FBXO5: variants seen among roughly 807,000 people sequenced by gnomAD.
The protein encoded by FBXO5 is F-box protein 5.
In FBXO5, 8 loss-of-function variants were observed where a neutral mutation model predicts 43.3. That is an observed-to-expected ratio of 0.18 (90% CI 0.11 to 0.33). FBXO5 has a LOEUF of 0.33. Ranked by LOEUF, FBXO5 falls within the 10% of genes least tolerant of loss-of-function variation. The pLI is 1.00. For synonymous variants in FBXO5, 204 were observed against 193.7 expected (o/e 1.05, Z -0.44); for missense variants, 491 against 535.7 (o/e 0.92, Z 0.82).
Position 152,975,383 on chromosome 6 carries a change from G to C in FBXO5, c.342C>G (p.Arg114=). The C allele has an allele frequency of 6.2e-7, 1 of 1,613,812 alleles. No homozygotes were observed. Among genetic ancestry groups the C allele is most frequent in the Non-Finnish European group, 8.5e-7 (1 of 1,179,922 alleles). ...RIVQLETESK[R]LHNKENQHVQ... is the part of the protein sequence containing the mutation. The stretch of plus-strand genomic sequence containing the variant: ...CATGTTGATTTTCCTTGTTATGCAA[G>C]CGCTTGCTTTCAGTTTCAAGTTGTA... The change falls in exon 2 of 5, where the codon CGC becomes CGG. Residue 114 remains arginine, a synonymous_variant. Coordinates refer to ENST00000229758, the MANE Select transcript of FBXO5 (RefSeq NM_012177.5).
At position 152,971,113 on chromosome 6, in the gene FBXO5, A is replaced by G. The variant is rs1369366437; in HGVS notation, c.*50T>C. On this transcript the variant is annotated 3_prime_UTR_variant, in exon 5 of 5. Coordinates refer to ENST00000229758, the MANE Select transcript of FBXO5 (RefSeq NM_012177.5). ...ACAATTTTTTTTAAGTTAAAACCTA[A>G]CATTTTCTAACTAACATTCATGATC... is the stretch of plus-strand genomic sequence containing the variant. 2.0e-6 allele frequency: 3 copies of G among 1,523,612 alleles called. No individual in the cohort carries two copies. Among genetic ancestry groups the G allele is most frequent in the Middle Eastern group, 2.2e-4 (1 of 4,494 alleles). The allele number at this position is 1,523,612 out of a possible 1,614,324, so 94.4% of individuals were successfully genotyped here. A position where few individuals can be genotyped will look rare whatever the true frequency, so the allele number is the denominator to read the frequency against.
chr6:152,975,345 A>T lies in FBXO5; in HGVS notation c.380T>A (p.Leu127His). ...NKENQHVQQT[L>H]NSTNEIEALE... ...TGCTTCTATTTCATTTGTACTATTA[A>T]GTGTCTGTTGCACATGTTGATTTTC... The change falls in exon 2 of 5, where the codon CTT (leucine) becomes CAT (histidine). Residue 127 changes from leucine (L) to histidine (H), a missense_variant. Physicochemically the swap from Leu to His is moderately conservative, Grantham distance 99. Transcript: ENST00000229758. 1 of 1,614,134 alleles carries T rather than the reference A, an allele frequency of 6.2e-7. No individual in the cohort carries two copies.
rs188203987 is a variant in FBXO5 at position 152,982,905 on chromosome 6, C to A, written c.55G>T (p.Ala19Ser). Residue 19 changes from alanine to serine, a missense_variant, in exon 1 of 5, where the codon GCC (alanine) becomes TCC (serine). Ala to Ser is a moderately conservative substitution (Grantham distance 99, BLOSUM62 1). Coordinates refer to ENST00000229758, the MANE Select transcript of FBXO5 (RefSeq NM_012177.5). Reference sequence around the variant, plus strand: ...GCGGCTGTCACTGCGCTGGGGCTGGCGCTGCAGGAGCAGCGGGGTGGCCGT... The same window carrying A: ...GCGGCTGTCACTGCGCTGGGGCTGGAGCTGCAGGAGCAGCGGGGTGGCCGT... ...ALRPPRCSCSASPSAVTAAGR... is the reference protein window; with the variant it reads ...ALRPPRCSCSSSPSAVTAAGR... 4 of 1,496,250 alleles carry A rather than the reference C, an allele frequency of 2.7e-6. No individual in the cohort carries two copies. Among genetic ancestry groups the A allele is most frequent in the Admixed American group, 4.3e-5 (2 of 46,910 alleles). The allele number at this position is 1,496,250 out of a possible 1,614,324, so 92.7% of individuals were successfully genotyped here. A position where few individuals can be genotyped will look rare whatever the true frequency, so the allele number is the denominator to read the frequency against.
Position 152,975,618 on chromosome 6 carries a change from C to A in FBXO5, c.107G>T (p.Cys36Phe), listed in dbSNP as rs41302049. ...AGAAAGGGTAGAACTTTCTTCTTTA[C>A]AACCTATAAAAAGAACATAACATTT... ...AAGRPRPSDS[C>F]KEESSTLSVK... The change falls in exon 2 of 5, where the codon TGT becomes TTT. Residue 36 changes from cysteine (C) to phenylalanine (F), a missense_variant. Physicochemically the swap from Cys to Phe is radical, Grantham distance 205. Transcript: ENST00000229758. 0.013 allele frequency: 20,308 copies of A among 1,576,508 alleles called. 191 individuals are homozygous for A. The highest frequency in any genetic ancestry group is 0.015 in the Non-Finnish European group (17,052 of 1,166,358).
At chr6:152,981,968 C>A (rs962693859) in intron 1 of FBXO5, among the ~76,000 whole-genome samples, 1 of 152,144 alleles carries the variant, frequency 6.6e-6, no homozygotes, top group Non-Finnish European at 1.5e-5. Flanking sequence ...AAAGGACTAT[C>A]TAATTCTTCA....
At position 152,971,434 on chromosome 6, in the gene FBXO5, C is replaced by T; in HGVS notation, c.1093-20G>A. 1 of 1,572,416 alleles carries T rather than the reference C, an allele frequency of 6.4e-7. No individual in the cohort carries two copies. The highest frequency in any genetic ancestry group is 1.7e-4 in the Middle Eastern group (1 of 5,784). The stretch of plus-strand genomic sequence containing the variant: ...GGCAACCTAAAAAGAAAAAAAAAAC[C>T]CATTAACAAATTTCAGCAAGAATTA... On this transcript the variant is annotated intron_variant, in intron 4 of 4. Coordinates refer to ENST00000229758, the MANE Select transcript of FBXO5 (RefSeq NM_012177.5).
intron 1 of FBXO5, among the ~76,000 whole-genome samples, chr6:152,977,689 T>A (rs1778194844): frequency 1.3e-5 from 2 of 152,178 alleles, no homozygotes; most frequent in South Asian, 4.1e-4. Context: ...AGAATTAGGT[T>A]TGATTTATAT....
Position 152,973,051 on chromosome 6 carries a change from C to T in FBXO5, c.904G>A (p.Val302Ile), listed in dbSNP as rs568735325. 44 of 1,612,636 alleles carry T rather than the reference C, an allele frequency of 2.7e-5. 1 individual carries two copies. In the South Asian group the frequency reaches 4.8e-4, roughly 18 times the overall value. ...FQLYSKAIQRVTENNNKFSPH... is the reference protein window; with the variant it reads ...FQLYSKAIQRITENNNKFSPH... ...CATCATCTGCAAACACTTACGGTAA[C>T]TCTTTGTATTGCTTTACTGTACAAC... Residue 302 changes from valine to isoleucine, a missense_variant, in exon 3 of 5, where the codon GTT (valine) becomes ATT (isoleucine). Val to Ile is a conservative substitution (Grantham distance 29, BLOSUM62 3). Transcript: ENST00000229758.
In FBXO5 at chr6:152,970,934, A is replaced by C. The variant is rs1043781207; in HGVS notation, c.*229T>G. The C allele has an allele frequency of 2.7e-6, 1 of 374,564 alleles. No homozygotes were observed. Among genetic ancestry groups the C allele is most frequent in the African/African-American group, 2.1e-5 (1 of 47,666 alleles). 23.2% of individuals were successfully genotyped at this position (374,564 alleles called of 1,614,324 possible). A position where few individuals can be genotyped will look rare whatever the true frequency, so the allele number is the denominator to read the frequency against. On this transcript the variant is annotated 3_prime_UTR_variant, in exon 5 of 5. Coordinates refer to ENST00000229758, the MANE Select transcript of FBXO5 (RefSeq NM_012177.5). ...TATCTACTTTTCCTTTTTTCTTAAA[A>C]TATTTAAATTGTTTGATTTGTATTG... is the stretch of plus-strand genomic sequence containing the variant.
In FBXO5 at chr6:152,975,213, T is replaced by C. The variant is rs765869093; in HGVS notation, c.512A>G (p.Asp171Gly). ...TTGTAGCAGGCAGGATTGTAGACTG[T>C]CACCGAAATTCTCCTCCAGGAGGCT... is the stretch of plus-strand genomic sequence containing the variant. ...EGSLLEENFGDSLQSCLLQIQ... is the reference protein window; with the variant it reads ...EGSLLEENFGGSLQSCLLQIQ... Residue 171 changes from aspartate (D) to glycine (G), a missense_variant, in exon 2 of 5, where the codon GAC becomes GGC. Asp to Gly is a moderately conservative substitution (Grantham distance 94, BLOSUM62 -1). Coordinates refer to ENST00000229758, the MANE Select transcript of FBXO5 (RefSeq NM_012177.5). 7 of 1,614,020 alleles carry C rather than the reference T, an allele frequency of 4.3e-6. No individual in the cohort carries two copies. The South Asian group carries it at 5.5e-5, about 13-fold the overall frequency.
intron 1 of FBXO5, among the ~76,000 whole-genome samples, chr6:152,978,821 T>C (rs1212809132): frequency 6.6e-6 from 1 of 151,860 alleles, no homozygotes; most frequent in East Asian, 1.9e-4. Flanking sequence ...ACTCCATCTC[T>C]ACAACAATTA....
At chr6:152,972,160 A>G (rs1778096019) in intron 4 of FBXO5, 112 bp downstream of exon 4, 1 of 625,492 alleles carries the variant, frequency 1.6e-6, no homozygotes, top group Non-Finnish European at 2.6e-6. Flanking sequence ...AATGTCAGAG[A>G]ATAAATTAGT....
At chr6:152,973,948 C>T (rs898953362) in intron 2 of FBXO5, 1 of 150,580 alleles carries the variant, frequency 6.6e-6, no homozygotes, top group Non-Finnish European at 1.5e-5. Flanking sequence ...GCAAAGAGTA[C>T]CTCTAGATAA....
intron 1 of FBXO5, among the ~76,000 whole-genome samples, chr6:152,978,483 A>G (rs750770100): frequency 1.2e-4 from 18 of 151,164 alleles, no homozygotes; most frequent in Admixed American, 2.7e-4. Context: ...TAAAGGCCAG[A>G]CATAACTGTT....
At chr6:152,978,417 A>C (rs1315252234) in intron 1 of FBXO5, among the ~76,000 whole-genome samples, 1 of 138,222 alleles carries the variant, frequency 7.2e-6, no homozygotes, top group African/African-American at 2.8e-5. Flanking sequence ...AGACCTCATC[A>C]AACTCTACTC....
chr6:152,981,979 T>C (rs1401181629), intron 1 of FBXO5, among the ~76,000 whole-genome samples: 1 of 152,210 alleles, frequency 6.6e-6, no homozygotes, highest in Admixed American at 6.5e-5. Context: ...TAATTCTTCA[T>C]GAGTTATCGG....
chr6:152,975,348 G>A lies in FBXO5; in HGVS notation c.377C>T (p.Thr126Ile), dbSNP rs928177803. The A allele has an allele frequency of 1.9e-6, 3 of 1,614,040 alleles. No individual in the cohort carries two copies. Among genetic ancestry groups the A allele is most frequent in the Non-Finnish European group, 2.5e-6 (3 of 1,180,030 alleles). The stretch of plus-strand genomic sequence containing the variant: ...TTCTATTTCATTTGTACTATTAAGT[G>A]TCTGTTGCACATGTTGATTTTCCTT... ...HNKENQHVQQTLNSTNEIEAL... is the reference protein window; with the variant it reads ...HNKENQHVQQILNSTNEIEAL... Residue 126 changes from threonine to isoleucine, a missense_variant, in exon 2 of 5, where the codon ACA (threonine) becomes ATA (isoleucine). By Grantham distance (89) the Thr-to-Ile change is moderately conservative (BLOSUM62 -1). Transcript: ENST00000229758.
At chr6:152,975,685 A>G (rs1778159357) in intron 1 of FBXO5, 64 bp from the exon 2 acceptor site, 2 of 1,001,516 alleles carry the variant, frequency 2.0e-6, no homozygotes, top group African/African-American at 1.6e-5. Context: ...TACTTCTTAA[A>G]TTGGGATATA....
At chr6:152,980,187 A>G (rs1028350904) in intron 1 of FBXO5, among the ~76,000 whole-genome samples, 2 of 152,236 alleles carry the variant, frequency 1.3e-5, no homozygotes, top group African/African-American at 2.4e-5. Context: ...AAAACATTAT[A>G]TGGCTTCATA....
Sources: gnomAD v4.1 joint callset for allele counts (sites outside exome capture counted in the v4.1 genomes callset) on GRCh38, gnomAD v4.1.1 for gene constraint, MANE v1.5 for transcripts, NCBI Gene and HGNC (gene_info 2026-07-23, HGNC 2026-07-21) for gene names.